Variants in SVIL observed in about 807,000 individuals in gnomAD.
SVIL encodes supervillin, also known as archvillin.
A neutral mutation model predicts 240.4 loss-of-function variants in SVIL; 101 were observed. The observed-to-expected ratio is 0.42, with a 90% confidence interval of 0.36 to 0.50. SVIL has a LOEUF of 0.50. Among genes scored for constraint, SVIL ranks in the 20% least tolerant of loss-of-function variants. The pLI, the probability that SVIL is intolerant of heterozygous loss-of-function variation, is 0.01. For missense variants in SVIL, 2,512 were observed against 2,818.7 expected (o/e 0.89, Z 2.46); for synonymous variants, 999 against 1,100.0 (o/e 0.91, Z 1.82).
rs1356015957 is a variant in SVIL, at chr10:29,617,286, C to T, written c.-201+17134G>A. ...CATTTGTATTCTTTTCTGCTGTGAA[C>T]CTGACTTTTGTCAGTTACATTTGCA... On this transcript the variant is annotated intron_variant, in intron 1 of 37. Coordinates refer to ENST00000355867, the MANE Select transcript of SVIL (RefSeq NM_021738.3). Among the ~76,000 whole-genome samples, 4 of 152,118 alleles carry T rather than the reference C, an allele frequency of 2.6e-5. No individual in the cohort carries two copies. The East Asian group carries it at 7.7e-4, about 29-fold the overall frequency.
intron 34 of SVIL, among the ~76,000 whole-genome samples, chr10:29,464,395 C>T (rs370743857): frequency 7.2e-5 from 11 of 152,234 alleles, no homozygotes; most frequent in East Asian, 1.9e-4. Context: ...GCCATGACTG[C>T]GCCACTGCAC....
chr10:29,512,729 T>C lies in SVIL; in HGVS notation c.3516+6A>G, dbSNP rs1415568073. ...GGAAGGCTTTTCCTAACATGGGGAA[T>C]GTTACCTTCTTGATGAGGGACCGCC... On this transcript the variant is annotated splice_donor_region_variant and intron_variant, in intron 17 of 37. Coordinates refer to ENST00000355867, the MANE Select transcript of SVIL (RefSeq NM_021738.3). 6.2e-7 allele frequency: 1 copy of C among 1,614,208 alleles called. No individual in the cohort carries two copies. Among genetic ancestry groups the C allele is most frequent in the Admixed American group, 1.7e-5 (1 of 60,034 alleles).
chr10:29,494,867 G>C, intron 20 of SVIL, 47 bp downstream of exon 20: 1 of 1,565,842 alleles, frequency 6.4e-7, no homozygotes, highest in Non-Finnish European at 8.8e-7. Context: ...ATCAGAATTA[G>C]GATTTAGAGA....
chr10:29,696,955 G>A (rs1442683610), intron 1 of SVIL, among the ~76,000 whole-genome samples: 1 of 145,778 alleles, frequency 6.9e-6, no homozygotes, highest in Non-Finnish European at 1.5e-5. Flanking sequence ...CGCCCCGTCC[G>A]GGAGGGAGGT....
At chr10:29,495,718 G>A (rs1164379773) in intron 18 of SVIL, among the ~76,000 whole-genome samples, 1 of 152,210 alleles carries the variant, frequency 6.6e-6, no homozygotes, top group Non-Finnish European at 1.5e-5. Flanking sequence ...GTGCGTGTTG[G>A]AAGTCCTGTC....
rs1943707722 is a variant in SVIL at position 29,457,508 on chromosome 10, TGCAGA to T, written c.*734_*738del. The T allele has an allele frequency of 6.6e-6, 1 of 152,652 alleles. No individual in the cohort carries two copies. Among genetic ancestry groups the T allele is most frequent in the Non-Finnish European group, 1.5e-5 (1 of 68,036 alleles). 9.5% of individuals were successfully genotyped at this position (152,652 alleles called of 1,614,324 possible). ...TAATGTTCCAAACCATCATCAAAAATGCAGAGCAAACTTTTCTGTATATAAACTGT... is the reference window on the plus strand; with the variant it reads ...TAATGTTCCAAACCATCATCAAAAATGCAAACTTTTCTGTATATAAACTGT... On this transcript the variant is annotated 3_prime_UTR_variant, in exon 38 of 38. Coordinates refer to ENST00000355867, the MANE Select transcript of SVIL (RefSeq NM_021738.3).
intron 1 of SVIL, among the ~76,000 whole-genome samples, chr10:29,712,390 C>G (rs1006777760): frequency 1.4e-4 from 21 of 152,102 alleles, no homozygotes; most frequent in African/African-American, 4.8e-4. Context: ...TTAGAAAGAG[C>G]CTGCGACCTT....
At chr10:29,643,824 G>A (rs1372515273) in intron 3 of SVIL, among the ~76,000 whole-genome samples, 1 of 152,038 alleles carries the variant, frequency 6.6e-6, no homozygotes, top group African/African-American at 2.4e-5. Flanking sequence ...TTCTCTCCCG[G>A]GCTGTAGCTT....
chr10:29,562,774 A>G (rs77340751), intron 3 of SVIL, among the ~76,000 whole-genome samples: 1,147 of 57,350 alleles, frequency 0.02, 23 homozygotes, highest in South Asian at 0.12. Context: ...AAAAAGAAAA[A>G]AAAAAAAAAA....
At chr10:29,562,769 G>GAAAAAAAAAAAAAAAAAAA (rs34507610) in intron 3 of SVIL, among the ~76,000 whole-genome samples, 1 of 115,718 alleles carries the variant, frequency 8.6e-6, no homozygotes, top group Non-Finnish European at 1.7e-5. Flanking sequence ...TCAAAAAAAA[G>GAAAAAAAAAAAAAAAAAAA]AAAAAAAAAA....
In SVIL at chr10:29,529,675, A is replaced by C. The variant is rs913035; in HGVS notation, c.2246+30T>G. 490,646 of 1,566,916 alleles carry C rather than the reference A, an allele frequency of 0.31. 78,737 individuals are homozygous for C. The highest frequency in any genetic ancestry group is 0.36 in the African/African-American group (25,938 of 72,072). ...ATTTTTTTAAAAAAAGACACTATAGACAAGGCTGAGAAGTCCTGTGGGCAC... is the reference window on the plus strand; with the variant it reads ...ATTTTTTTAAAAAAAGACACTATAGCCAAGGCTGAGAAGTCCTGTGGGCAC... On this transcript the variant is annotated intron_variant, in intron 12 of 37. Transcript: ENST00000355867.
chr10:29,591,508 C>T (rs1156380130), intron 1 of SVIL, among the ~76,000 whole-genome samples: 1 of 152,200 alleles, frequency 6.6e-6, no homozygotes, highest in Non-Finnish European at 1.5e-5. Context: ...ATAGCTCTCT[C>T]TATAAAACCT....
chr10:29,473,878 G>T lies in SVIL; in HGVS notation c.5489C>A (p.Ala1830Glu). 1 of 1,613,934 alleles carries T rather than the reference G, an allele frequency of 6.2e-7. No homozygotes were observed. Among genetic ancestry groups the T allele is most frequent in the African/African-American group, 1.3e-5 (1 of 74,996 alleles). Residue 1830 changes from alanine (A) to glutamate (E), a missense_variant, in exon 30 of 38, where the codon GCG (alanine) becomes GAG (glutamate). Ala to Glu is a moderately radical substitution (Grantham distance 107, BLOSUM62 -1). Coordinates refer to ENST00000355867, the MANE Select transcript of SVIL (RefSeq NM_021738.3). ...CTCGTCCAGCTCCACCGTCATCAGC[G>T]CCGACGTGCCCTTCTCACTCACGGT... is the stretch of plus-strand genomic sequence containing the variant. ...HSTVSEKGTSALMTVELDEER... is the reference protein window; with the variant it reads ...HSTVSEKGTSELMTVELDEER...
At chr10:29,508,979 T>C (rs1324259763) in intron 17 of SVIL, among the ~76,000 whole-genome samples, 1 of 152,160 alleles carries the variant, frequency 6.6e-6, no homozygotes, top group Non-Finnish European at 1.5e-5. Context: ...AACTATTTGG[T>C]GAAAATAAAT....
At chr10:29,488,790 A>G (rs1947678872) in intron 22 of SVIL, 34 bp from the exon 23 acceptor site, 1 of 1,593,046 alleles carries the variant, frequency 6.3e-7, no homozygotes, top group African/African-American at 1.4e-5. Flanking sequence ...ACAACGCAGG[A>G]GGTTCAGTTA....
chr10:29,659,696 C>T (rs914682910), intron 2 of SVIL, among the ~76,000 whole-genome samples: 4 of 152,166 alleles, frequency 2.6e-5, no homozygotes, highest in African/African-American at 4.8e-5. Flanking sequence ...TTATTGTCAC[C>T]ACTGCCTGGT....
At chr10:29,510,636 C>T (rs1393728674) in intron 17 of SVIL, among the ~76,000 whole-genome samples, 2 of 151,992 alleles carry the variant, frequency 1.3e-5, no homozygotes, top group African/African-American at 2.4e-5. Context: ...GGTACCTCTC[C>T]GTCAGCAAGG....
rs1005765353 is a variant in SVIL at position 29,485,171 on chromosome 10, C to A, written c.4780-340G>T. Among the ~76,000 whole-genome samples the A allele has an allele frequency of 2.6e-5, 4 of 151,992 alleles. No homozygotes were observed. The South Asian group carries it at 6.2e-4, about 24-fold the overall frequency. On this transcript the variant is annotated intron_variant, in intron 26 of 37. Transcript: ENST00000355867. ...CTGCCTCTCTCCCCTATTCCTCCCC[C>A]TCTCATGTGCTCATTCATTCACTTA...
chr10:29,491,465 C>T (rs1408792433), intron 21 of SVIL, among the ~76,000 whole-genome samples: 2 of 152,166 alleles, frequency 1.3e-5, no homozygotes, highest in South Asian at 2.1e-4. Flanking sequence ...CCTCTTCGCT[C>T]GGCCTAAACT....
Sources: gnomAD v4.1 joint callset for allele counts (sites outside exome capture counted in the v4.1 genomes callset) on GRCh38, gnomAD v4.1.1 for gene constraint, MANE v1.5 for transcripts, NCBI Gene and HGNC (gene_info 2026-07-23, HGNC 2026-07-21) for gene names.